The following NBPF12 variants were observed in gnomAD, a reference collection of about 807,000 sequenced individuals.
NBPF12 encodes the protein NBPF member 12, also known as NBPF family member NBPF12.
NBPF12 carries 115 observed loss-of-function variants against 146.4 expected under a neutral mutation model. That is an observed-to-expected ratio of 0.79 (90% CI 0.68 to 0.92). The LOEUF (loss-of-function observed/expected upper bound fraction) is 0.92. NBPF12 is among the 40% of genes least tolerant of loss of function. NBPF12 has a pLI of 0.00. For missense variants in NBPF12, 1,205 were observed against 1,326.8 expected (o/e 0.91, Z 1.43); for synonymous variants, 385 against 508.9 (o/e 0.76, Z 3.28).
chr1:146,961,096 A>C (rs1263819982), intron 4 of NBPF12, among the ~76,000 whole-genome samples: 1 of 152,136 alleles, frequency 6.6e-6, no homozygotes, highest in Non-Finnish European at 1.5e-5. Flanking sequence ...CAGTGAGCCA[A>C]GATTGCACTA....
chr1:146,984,923 C>T lies in NBPF12; in HGVS notation c.2777C>T (p.Pro926Leu), dbSNP rs1311525861. The T allele has an allele frequency of 1.1e-4, 168 of 1,586,010 alleles. No individual in the cohort carries two copies. The East Asian group carries it at 3.4e-3, about 32-fold the overall frequency. ...CTTGGACTGACTGACTCATGCCAGC[C>T]CTACAGAAGTGCCTTTTACGTATTG... Residue 926 changes from proline (P) to leucine (L), a missense_variant, in exon 22 of 34, where the codon CCC (proline) becomes CTC (leucine). Pro to Leu is a moderately conservative substitution (Grantham distance 98). Coordinates refer to ENST00000617844, the Ensembl canonical transcript of NBPF12.
At chr1:146,942,024 A>AT (rs1391228459) in intron 1 of NBPF12, among the ~76,000 whole-genome samples, 7 of 148,272 alleles carry the variant, frequency 4.7e-5, no homozygotes, top group African/African-American at 1.7e-4. Flanking sequence ...TGCCTGGCTA[A>AT]TTTTTGTATT....
intron 1 of NBPF12, 136 bp from the exon 5 acceptor site, chr1:146,951,212 A>T: frequency 1.6e-6 from 1 of 623,308 alleles, no homozygotes; most frequent in Non-Finnish European, 2.8e-6. Flanking sequence ...TGTGACCAGT[A>T]TGAGCTTCTC....
chr1:146,943,472 C>T (rs1553883026), exon 2 of NBPF12: 110,947 of 1,068,074 alleles, frequency 0.1, 5,330 homozygotes, highest in African/African-American at 0.27. Flanking sequence ...GTGGACTCTC[C>T]GAGGCACCGA....
At chr1:146,976,818 G>T (rs1200865194) in intron 16 of NBPF12, 111 bp from the exon 20 acceptor site, 5 of 562,854 alleles carry the variant, frequency 8.9e-6, no homozygotes, top group African/African-American at 8.1e-5. Flanking sequence ...AGAGTTTTCA[G>T]TTGAACGGTG....
At chr1:146,974,074 A>G (rs1244644873) in intron 14 of NBPF12, among the ~76,000 whole-genome samples, 2 of 150,648 alleles carry the variant, frequency 1.3e-5, no homozygotes, top group Non-Finnish European at 2.9e-5. Flanking sequence ...TACATCAGCT[A>G]TTTCTTGTCA....
chr1:146,961,580 C>G (rs1429302511), intron 4 of NBPF12, among the ~76,000 whole-genome samples: 1 of 149,280 alleles, frequency 6.7e-6, no homozygotes, highest in African/African-American at 2.6e-5. Context: ...TTAATGCTGC[C>G]TCTCATACTA....
At chr1:146,945,946 A>T (rs1428988771), upstream of NBPF12, among the ~76,000 whole-genome samples, 1 of 151,280 alleles carries the variant, frequency 6.6e-6, no homozygotes, top group Non-Finnish European at 1.5e-5. Context: ...TCACCATTTC[A>T]TGCCTCCTCC....
chr1:146,951,062 A>G (rs1203975474), intron 1 of NBPF12, among the ~76,000 whole-genome samples: 1 of 152,032 alleles, frequency 6.6e-6, no homozygotes, highest in Non-Finnish European at 1.5e-5. Flanking sequence ...TGCTACTTCC[A>G]AAGAGGCCTC....
At chr1:146,961,209 G>A (rs1302334039) in intron 4 of NBPF12, among the ~76,000 whole-genome samples, 3 of 151,904 alleles carry the variant, frequency 2.0e-5, no homozygotes, top group African/African-American at 7.3e-5. Flanking sequence ...GTACCTTGGT[G>A]AGAGTGAAGT....
At chr1:146,960,524 G>A (rs1311618505) in intron 4 of NBPF12, among the ~76,000 whole-genome samples, 27,753 of 151,748 alleles carry the variant, frequency 0.18, 2,773 homozygotes, top group Middle Eastern at 0.26. Flanking sequence ...GTCAGATGGG[G>A]GTGGGACTAG....
chr1:146,965,489 T>A (rs1436712586), intron 8 of NBPF12, among the ~76,000 whole-genome samples: 2 of 151,108 alleles, frequency 1.3e-5, no homozygotes, highest in African/African-American at 4.9e-5. Context: ...GTCTTAGCTA[T>A]TAATAAGTCT....
intron 16 of NBPF12, among the ~76,000 whole-genome samples, chr1:146,976,385 C>A (rs1657019985): frequency 7.4e-6 from 1 of 134,388 alleles, no homozygotes; most frequent in African/African-American, 3.0e-5. Context: ...AGATGAAGCC[C>A]CTCTCCGTGT....
intron 13 of NBPF12, among the ~76,000 whole-genome samples, chr1:146,971,799 G>A (rs1656636281): frequency 6.6e-6 from 1 of 150,734 alleles, no homozygotes; most frequent in Non-Finnish European, 1.5e-5. Context: ...AGAAGTCTTG[G>A]CCAGGCGCGG....
At chr1:146,982,449 T>C (rs1657455299) in intron 19 of NBPF12, among the ~76,000 whole-genome samples, 1 of 150,832 alleles carries the variant, frequency 6.6e-6, no homozygotes, top group African/African-American at 2.4e-5. Context: ...CATTTGTTGG[T>C]AGTATGTTGG....
exon 34 of NBPF12, chr1:146,995,271 C>G (rs1266324824): frequency 8.0e-6 from 1 of 125,380 alleles, no homozygotes; most frequent in East Asian, 2.3e-4. Context: ...GCATGTCACC[C>G]AGGACTCTGC....
At chr1:146,962,053 T>A (rs1388146023) in intron 4 of NBPF12, 108 bp from the exon 8 acceptor site, 18 of 913,870 alleles carry the variant, frequency 2.0e-5, no homozygotes, top group Non-Finnish European at 3.2e-5. Context: ...ACCCTGGTAC[T>A]GGGGAGAGTT....
In NBPF12 at chr1:146,992,434, T is replaced by TTCTCTC. The variant is rs139645973; in HGVS notation, c.3849-254_3849-249dup. Among the ~76,000 whole-genome samples the TTCTCTC allele has an allele frequency of 3.0e-3, 241 of 81,394 alleles. 2 individuals carry two copies. Among genetic ancestry groups the TTCTCTC allele is most frequent in the African/African-American group, 7.6e-3 (127 of 16,610 alleles). The allele number at this position is 81,394 out of a possible 152,430, so 53.4% of individuals were successfully genotyped here. A position where few individuals can be genotyped will look rare whatever the true frequency, so the allele number is the denominator to read the frequency against. ...TCACCTGGACAATTCACTGAGCTCG[T>TTCTCTC]TCTCTCTCTCTCTCTCTCTCTCTCT... On this transcript the variant is annotated intron_variant, in intron 31 of 33. Transcript: ENST00000617844.
chr1:146,944,673 T>C (rs1654941426), upstream of NBPF12, among the ~76,000 whole-genome samples: 1 of 151,888 alleles, frequency 6.6e-6, no homozygotes, highest in South Asian at 2.1e-4. Flanking sequence ...AAACAGTATA[T>C]AGTTTTACAG....
Sources: allele counts gnomAD v4.1 joint callset (sites outside exome capture counted in the v4.1 genomes callset), GRCh38; gene constraint gnomAD v4.1.1; transcripts MANE v1.5; gene names NCBI Gene and HGNC (gene_info 2026-07-23, HGNC 2026-07-21).